Variants in ARID5B observed in about 807,000 individuals in gnomAD.
ARID5B encodes AT-rich interaction domain 5B.
Under a neutral mutation model 97.2 loss-of-function variants are expected in ARID5B, and 13 were observed. The ratio of observed to expected loss-of-function variants is 0.13; its 90% CI spans 0.09 to 0.21. The LOEUF is 0.21. Among genes scored for constraint, ARID5B ranks in the 10% least tolerant of loss-of-function variants. The pLI is 1.00. For synonymous variants in ARID5B, 556 were observed against 570.3 expected (o/e 0.97, Z 0.36); for missense variants, 1,210 against 1,465.3 (o/e 0.83, Z 2.84).
intron 8 of ARID5B, among the ~76,000 whole-genome samples, chr10:62,077,568 G>A (rs759937414): frequency 2.6e-5 from 4 of 151,706 alleles, no homozygotes; most frequent in African/African-American, 7.3e-5. Context: ...TTTCTTTGTC[G>A]AGCTCCTTTA....
intron 3 of ARID5B, among the ~76,000 whole-genome samples, chr10:61,945,488 A>T (rs1179168422): frequency 2.0e-5 from 3 of 152,208 alleles, no homozygotes; most frequent in African/African-American, 4.8e-5. Flanking sequence ...GGCTCAAAGT[A>T]GGTTTAAATT....
chr10:61,987,269 G>T (rs115646083), intron 3 of ARID5B, among the ~76,000 whole-genome samples: 2 of 152,146 alleles, frequency 1.3e-5, no homozygotes, highest in African/African-American at 2.4e-5. Context: ...TAATAGATCC[G>T]GGAGTAGGAT....
chr10:61,970,833 C>G (rs1400206144), intron 3 of ARID5B, among the ~76,000 whole-genome samples: 1 of 152,142 alleles, frequency 6.6e-6, no homozygotes, highest in African/African-American at 2.4e-5. Flanking sequence ...ATACTAATCT[C>G]TGATGAAGAA....
chr10:61,937,338 C>T (rs1844323011), intron 2 of ARID5B, among the ~76,000 whole-genome samples: 1 of 152,084 alleles, frequency 6.6e-6, no homozygotes, highest in South Asian at 2.1e-4. Context: ...CTTGGAAGGG[C>T]CCGCCATGCA....
chr10:61,949,924 T>A (rs77132560), intron 3 of ARID5B, among the ~76,000 whole-genome samples: 4,158 of 152,326 alleles, frequency 0.027, 63 homozygotes, highest in African/African-American at 0.044. Context: ...ACTGATAGAT[T>A]GCCAAACTTA....
At chr10:62,080,918 G>A (rs1246901682) in intron 8 of ARID5B, among the ~76,000 whole-genome samples, 1 of 152,056 alleles carries the variant, frequency 6.6e-6, no homozygotes, top group Non-Finnish European at 1.5e-5. Context: ...TGCCACTGGG[G>A]TTCAAGCAAT....
intron 6 of ARID5B, among the ~76,000 whole-genome samples, chr10:62,058,331 G>T (rs998909787): frequency 2.0e-5 from 3 of 152,144 alleles, no homozygotes; most frequent in African/African-American, 7.2e-5. Context: ...GTAGTGCAAG[G>T]TTCAATGAGG....
In ARID5B at chr10:61,901,727, C is replaced by A; in HGVS notation, c.18C>A (p.Leu6=). Residue 6 remains leucine (L), a synonymous_variant, in exon 1 of 10, where the codon CTC becomes CTA. Transcript: ENST00000279873. MEPNS[L]QWVGSPCGLH... is the part of the protein sequence containing the mutation. ...ACGTCGAGATGGAGCCCAACTCACTCCAGGTATTTCGCTCTCCTCCGCTCC... is the reference window on the plus strand; with the variant it reads ...ACGTCGAGATGGAGCCCAACTCACTACAGGTATTTCGCTCTCCTCCGCTCC... 1 of 1,613,954 alleles carries A rather than the reference C, an allele frequency of 6.2e-7. No homozygotes were observed. The highest frequency in any genetic ancestry group is 8.5e-7 in the Non-Finnish European group (1 of 1,179,964).
At chr10:62,065,926 T>C (rs536441800) in intron 7 of ARID5B, among the ~76,000 whole-genome samples, 33 of 149,870 alleles carry the variant, frequency 2.2e-4, no homozygotes, top group African/African-American at 8.1e-4. Flanking sequence ...GAAGGTCAGG[T>C]TGAAACACAA....
At chr10:61,933,082 AC>A (rs1844239604) in intron 2 of ARID5B, among the ~76,000 whole-genome samples, 2 of 152,204 alleles carry the variant, frequency 1.3e-5, no homozygotes, top group South Asian at 4.1e-4. Flanking sequence ...AAGAACAAAA[AC>A]AAAACAAAAC....
intron 3 of ARID5B, among the ~76,000 whole-genome samples, chr10:61,961,407 C>T (rs1224199471): frequency 1.3e-5 from 2 of 152,156 alleles, no homozygotes; most frequent in African/African-American, 2.4e-5. Flanking sequence ...AACAGCCTAA[C>T]CTAGGTTATC....
intron 4 of ARID5B, among the ~76,000 whole-genome samples, chr10:62,033,176 G>A (rs752031273): frequency 1.2e-4 from 19 of 152,178 alleles, no homozygotes; most frequent in Non-Finnish European, 2.4e-4. Flanking sequence ...ATTCCAATGA[G>A]CCTCGGGACT....
rs374569052 is a variant in ARID5B at position 61,994,080 on chromosome 10, C to T, written c.503-6011C>T. Among the ~76,000 whole-genome samples the T allele has an allele frequency of 2.0e-5, 3 of 152,152 alleles. No homozygotes were observed. In the East Asian group the frequency reaches 5.8e-4, roughly 29 times the overall value. On this transcript the variant is annotated intron_variant, in intron 3 of 9. Coordinates refer to ENST00000279873, the MANE Select transcript of ARID5B (RefSeq NM_032199.3). ...TATTTGGAATCTTTTAAGTGAAAAT[C>T]TTTAAATGTTTGTTTCTATTGGCAT...
At chr10:62,030,841 A>G (rs1437942774) in intron 4 of ARID5B, among the ~76,000 whole-genome samples, 1 of 152,220 alleles carries the variant, frequency 6.6e-6, no homozygotes, top group African/African-American at 2.4e-5. Flanking sequence ...TGAATGAAGA[A>G]CAAATACAGT....
chr10:62,051,981 A>G (rs1481256300), intron 5 of ARID5B, among the ~76,000 whole-genome samples: 1 of 152,052 alleles, frequency 6.6e-6, no homozygotes, highest in Non-Finnish European at 1.5e-5. Context: ...TCTGCCATGT[A>G]CTCTACCTCC....
At chr10:62,019,435 T>G (rs542544501) in intron 4 of ARID5B, among the ~76,000 whole-genome samples, 2 of 152,236 alleles carry the variant, frequency 1.3e-5, no homozygotes, top group Non-Finnish European at 2.9e-5. Flanking sequence ...TTAATTATTA[T>G]AGGACTCCTT....
At chr10:61,997,025 G>A (rs371378035) in intron 3 of ARID5B, among the ~76,000 whole-genome samples, 1 of 151,884 alleles carries the variant, frequency 6.6e-6, no homozygotes, top group African/African-American at 2.4e-5. Context: ...TGTTGAAAAG[G>A]TAAATTCCTA....
At chr10:61,998,583 C>A (rs1839033736) in intron 3 of ARID5B, among the ~76,000 whole-genome samples, 1 of 152,158 alleles carries the variant, frequency 6.6e-6, no homozygotes, top group African/African-American at 2.4e-5. Context: ...CAAATGAGCA[C>A]AAAATAAAGT....
At chr10:62,065,345 T>G (rs1013673893) in intron 7 of ARID5B, among the ~76,000 whole-genome samples, 1 of 152,248 alleles carries the variant, frequency 6.6e-6, no homozygotes, top group Admixed American at 6.5e-5. Context: ...AGCAGTAACA[T>G]CTCTTTCTTT....
Sources: gnomAD v4.1 joint callset for allele counts (sites outside exome capture counted in the v4.1 genomes callset) on GRCh38, gnomAD v4.1.1 for gene constraint, MANE v1.5 for transcripts, NCBI Gene and HGNC (gene_info 2026-07-23, HGNC 2026-07-21) for gene names.